AFG2A: variants seen among roughly 807,000 people sequenced by gnomAD.
The protein encoded by AFG2A is AAA ATPase AFG2A.
the AFG2A span, among the ~76,000 whole-genome samples, chr4:122,969,459 G>A: frequency 3.9e-5 from 6 of 152,222 alleles, no homozygotes; most frequent in East Asian, 1.2e-3. Context: ...ATACTGAAAT[G>A]TCTTCAATAC....
the AFG2A span, among the ~76,000 whole-genome samples, chr4:122,932,058 G>A: frequency 6.6e-6 from 1 of 151,734 alleles, no homozygotes; most frequent in Non-Finnish European, 1.5e-5. Context: ...CCTGAACTTA[G>A]GAGTTCGAGA....
At chr4:123,004,702 G>C in the AFG2A span, among the ~76,000 whole-genome samples, 1 of 152,242 alleles carries the variant, frequency 6.6e-6, no homozygotes, top group African/African-American at 2.4e-5. Context: ...GAATGTTTTT[G>C]TCTGCTTTTG....
the AFG2A span, among the ~76,000 whole-genome samples, chr4:123,044,124 TAC>T: frequency 6.6e-6 from 1 of 150,980 alleles, no homozygotes; most frequent in South Asian, 2.1e-4. Flanking sequence ...CCCACTTGTT[TAC>T]AGTTTTGATT....
the AFG2A span, among the ~76,000 whole-genome samples, chr4:123,021,612 CAG>C: frequency 1.3e-5 from 2 of 152,154 alleles, no homozygotes; most frequent in African/African-American, 4.8e-5. Context: ...GTGTGTCTCA[CAG>C]AGAGATTATC....
chr4:123,041,277 A>ATTTTTTTTTTTTTTTTTTTTTTT, the AFG2A span, among the ~76,000 whole-genome samples: 1 of 118,178 alleles, frequency 8.5e-6, no homozygotes. Flanking sequence ...CGCCCAGCTA[A>ATTTTTTTTTTTTTTTTTTTTTTT]TTTTTTTTTT....
chr4:123,069,434 A>G, the AFG2A span, among the ~76,000 whole-genome samples: 1 of 152,204 alleles, frequency 6.6e-6, no homozygotes, highest in Non-Finnish European at 1.5e-5. Flanking sequence ...CAAATGCTGT[A>G]TAGAATCCTG....
the AFG2A span, among the ~76,000 whole-genome samples, chr4:122,986,918 A>G: frequency 2.6e-5 from 4 of 152,070 alleles, no homozygotes; most frequent in Admixed American, 2.0e-4. Flanking sequence ...AAAGTGGGTT[A>G]TTGAAGTCTC....
chr4:123,313,816 G>T, the AFG2A span: 1 of 1,347,610 alleles, frequency 7.4e-7, no homozygotes. Context: ...TGAATATTTG[G>T]AATATTATGT....
At chr4:122,980,378 A>C in the AFG2A span, among the ~76,000 whole-genome samples, 13 of 152,276 alleles carry the variant, frequency 8.5e-5, no homozygotes, top group Admixed American at 2.0e-4. Flanking sequence ...TTGTACCATT[A>C]TACCACATTT....
At chr4:123,148,461 A>G in the AFG2A span, among the ~76,000 whole-genome samples, 2 of 152,184 alleles carry the variant, frequency 1.3e-5, no homozygotes, top group Non-Finnish European at 1.5e-5. Context: ...GAAAGCAAAT[A>G]TAGCAGTGGA....
the AFG2A span, among the ~76,000 whole-genome samples, chr4:123,219,524 T>C: frequency 6.6e-6 from 1 of 152,208 alleles, no homozygotes; most frequent in South Asian, 2.1e-4. Flanking sequence ...ATTCCCCATA[T>C]TAGTACTTAG....
chr4:122,934,164 A>G, the AFG2A span: 1 of 1,614,192 alleles, frequency 6.2e-7, no homozygotes, highest in Non-Finnish European at 8.5e-7. Flanking sequence ...ACAAGCTGCA[A>G]GTATTGCGAG....
At chr4:123,053,150 CAT>C in the AFG2A span, among the ~76,000 whole-genome samples, 1 of 152,216 alleles carries the variant, frequency 6.6e-6, no homozygotes, top group African/African-American at 2.4e-5. Flanking sequence ...GCAACATCCT[CAT>C]AGACCCAACC....
chr4:122,952,440 A>C, the AFG2A span, among the ~76,000 whole-genome samples: 3 of 152,182 alleles, frequency 2.0e-5, no homozygotes, highest in East Asian at 5.8e-4. Flanking sequence ...AGTTGGGCCA[A>C]ATGAGGAATA....
At chr4:123,162,115 A>G in the AFG2A span, among the ~76,000 whole-genome samples, 1 of 152,228 alleles carries the variant, frequency 6.6e-6, no homozygotes, top group East Asian at 1.9e-4. Flanking sequence ...TTATTCTGTT[A>G]CTTCAGAGAG....
At chr4:122,943,152 C>T in the AFG2A span, among the ~76,000 whole-genome samples, 1 of 152,062 alleles carries the variant, frequency 6.6e-6, no homozygotes, top group Admixed American at 6.6e-5. Context: ...CTATTAGGTC[C>T]ACTTGTTGCA....
the AFG2A span, among the ~76,000 whole-genome samples, chr4:123,224,420 C>T: frequency 6.6e-6 from 1 of 150,478 alleles, no homozygotes; most frequent in East Asian, 2.0e-4. Context: ...TCCATGTGTT[C>T]TTATTGTTCA....
the AFG2A span, among the ~76,000 whole-genome samples, chr4:123,013,239 G>C: frequency 6.6e-6 from 1 of 151,994 alleles, no homozygotes; most frequent in Non-Finnish European, 1.5e-5. Flanking sequence ...GTTAAGGCAG[G>C]AACAGGCCAT....
chr4:123,199,807 T>C, the AFG2A span, among the ~76,000 whole-genome samples: 1 of 152,184 alleles, frequency 6.6e-6, no homozygotes. Context: ...CTGTTATCTT[T>C]TCATATAAAT....
Sources: allele counts gnomAD v4.1 joint callset (sites outside exome capture counted in the v4.1 genomes callset), GRCh38; gene constraint gnomAD v4.1.1; transcripts MANE v1.5; gene names NCBI Gene and HGNC (gene_info 2026-07-23, HGNC 2026-07-21).